ENTPD3: variants seen among roughly 807,000 people sequenced by gnomAD.
ENTPD3 encodes the protein CD39 antigen-like 3.
A neutral mutation model predicts 51.2 loss-of-function variants in ENTPD3; 60 were observed. The ratio of observed to expected loss-of-function variants is 1.17; its 90% CI spans 0.95 to 1.45. The LOEUF (loss-of-function observed/expected upper bound fraction) is 1.45, where lower values mean the gene tolerates loss of function less well. Among genes scored for constraint, ENTPD3 ranks in the 40% most tolerant of loss-of-function variants. ENTPD3 has a pLI of 0.00. For missense variants in ENTPD3, 593 were observed against 641.1 expected (o/e 0.93, Z 0.81); for synonymous variants, 221 against 238.4 (o/e 0.93, Z 0.67).
Position 40,411,963 on chromosome 3 carries a change from G to T in ENTPD3, c.437+1G>T. 6.2e-7 allele frequency: 1 copy of T among 1,608,922 alleles called. No homozygotes were observed. Among genetic ancestry groups the T allele is most frequent in the Non-Finnish European group, 8.5e-7 (1 of 1,177,920 alleles). ...CCACGGCTGGGATGCGCTTGCTGAG[G>T]TAAAGGCTAAGTGGCACAAAGGAGC... On this transcript the variant is annotated splice_donor_variant, in intron 5 of 10. Transcript: ENST00000301825. LOFTEE classifies it high-confidence loss of function.
intron 2 of ENTPD3, among the ~76,000 whole-genome samples, chr3:40,390,295 T>C (rs1225887565): frequency 6.6e-6 from 1 of 152,166 alleles, no homozygotes. Flanking sequence ...GCTCCTGGGA[T>C]CAAAGGATCC....
At position 40,416,218 on chromosome 3, in the gene ENTPD3, G is replaced by A. The variant is rs116561910; in HGVS notation, c.831+145G>A. The A allele has an allele frequency of 1.7e-3, 1,053 of 622,974 alleles. 11 individuals are homozygous for A. The African/African-American group carries it at 0.017, about 10-fold the overall frequency. 38.6% of individuals were successfully genotyped at this position (622,974 alleles called of 1,614,324 possible). ...CAGCATTTTCCAATTTACTCCTGGG[G>A]GTCCAAGTCCCTTTCCTCTCTGTCT... On this transcript the variant is annotated intron_variant, in intron 7 of 10. Coordinates refer to ENST00000301825, the MANE Select transcript of ENTPD3 (RefSeq NM_001248.4).
intron 3 of ENTPD3, among the ~76,000 whole-genome samples, chr3:40,399,869 T>A (rs1281146324): frequency 6.6e-6 from 1 of 152,196 alleles, no homozygotes; most frequent in Non-Finnish European, 1.5e-5. Context: ...TTTGTTGACA[T>A]ACACATTGCC....
chr3:40,418,736 T>C (rs932536016), intron 7 of ENTPD3, among the ~76,000 whole-genome samples: 14 of 152,186 alleles, frequency 9.2e-5, no homozygotes, highest in African/African-American at 3.1e-4. Flanking sequence ...TTCTTCCATT[T>C]TTTAAATGTA....
intron 4 of ENTPD3, among the ~76,000 whole-genome samples, chr3:40,408,172 G>GT (rs780727992): frequency 3.5e-4 from 54 of 152,162 alleles, no homozygotes; most frequent in Non-Finnish European, 3.7e-4. Flanking sequence ...CACATACAAG[G>GT]TATGGACTTT....
chr3:40,416,106 T>A (rs1482692710), intron 7 of ENTPD3, 33 bp downstream of exon 7: 4 of 1,542,990 alleles, frequency 2.6e-6, no homozygotes, highest in South Asian at 2.3e-5. Flanking sequence ...GTGGCAGGTG[T>A]TCTCTTGAGG....
rs531240793 is a variant in ENTPD3, at chr3:40,424,262, G to A, written c.1353+299G>A. On this transcript the variant is annotated intron_variant, in intron 10 of 10. Transcript: ENST00000301825. ...TTCCCAGCACTCTGCACAAGGAATA[G>A]AGCCTAGAAGGTACTTAGTAAATGT... is the stretch of plus-strand genomic sequence containing the variant. 6.4e-6 allele frequency: 4 copies of A among 620,456 alleles called. No individual in the cohort carries two copies. In the African/African-American group the frequency reaches 8.0e-5, roughly 12 times the overall value. 38.4% of individuals were successfully genotyped at this position (620,456 alleles called of 1,614,324 possible). A position where few individuals can be genotyped will look rare whatever the true frequency, so the allele number is the denominator to read the frequency against.
intron 4 of ENTPD3, 46 bp downstream of exon 4, chr3:40,401,057 G>A (rs1340723775): frequency 6.9e-7 from 1 of 1,448,880 alleles, no homozygotes; most frequent in East Asian, 2.3e-5. Context: ...CAGCAAGGTA[G>A]AGTTCTAAGT....
rs201369861 is a variant in ENTPD3, at chr3:40,392,161, A to G, written c.168+11A>G. The G allele has an allele frequency of 2.5e-6, 4 of 1,613,054 alleles. No individual in the cohort carries two copies. In the Admixed American group the frequency reaches 6.7e-5, roughly 27 times the overall value. Reference sequence around the variant, plus strand: ...CCTCCAGGACTGAAGGTAAGTGTGAAGGGACTGGCAACAAAGGGAAGAAAT... The same window carrying G: ...CCTCCAGGACTGAAGGTAAGTGTGAGGGGACTGGCAACAAAGGGAAGAAAT... On this transcript the variant is annotated intron_variant, in intron 3 of 10. Coordinates refer to ENST00000301825, the MANE Select transcript of ENTPD3 (RefSeq NM_001248.4).
intron 3 of ENTPD3, 139 bp downstream of exon 3, chr3:40,392,289 G>A (rs571943038): frequency 1.7e-4 from 165 of 991,838 alleles, no homozygotes; most frequent in Admixed American, 1.8e-4. Flanking sequence ...GTTAGTGTAA[G>A]ACGCAAGGGA....
intron 3 of ENTPD3, among the ~76,000 whole-genome samples, chr3:40,396,105 C>T (rs569910059): frequency 3.3e-5 from 5 of 152,286 alleles, no homozygotes; most frequent in African/African-American, 1.2e-4. Flanking sequence ...TGGTAACAGA[C>T]CCTAGCCACC....
rs1373117830 is a variant in ENTPD3 at position 40,414,678 on chromosome 3, C to A, written c.438-3C>A. On this transcript the variant is annotated splice_region_variant and splice_polypyrimidine_tract_variant and intron_variant, in intron 5 of 10. Coordinates refer to ENST00000301825, the MANE Select transcript of ENTPD3 (RefSeq NM_001248.4). The stretch of plus-strand genomic sequence containing the variant: ...AGACTTGTTTGTTCTGTGCCTTGTA[C>A]AGGTTGCAAAATGAAACAGCAGCTA... 6.2e-7 allele frequency: 1 copy of A among 1,613,916 alleles called. No homozygotes were observed. Among genetic ancestry groups the A allele is most frequent in the South Asian group, 1.1e-5 (1 of 91,066 alleles).
At chr3:40,412,652 T>C (rs1323383255) in intron 5 of ENTPD3, among the ~76,000 whole-genome samples, 1 of 152,200 alleles carries the variant, frequency 6.6e-6, no homozygotes, top group African/African-American at 2.4e-5. Flanking sequence ...TAAGGTTTTA[T>C]CACAAGAAAA....
chr3:40,417,360 A>T (rs1955769348), intron 7 of ENTPD3, among the ~76,000 whole-genome samples: 1 of 152,218 alleles, frequency 6.6e-6, no homozygotes, highest in Admixed American at 6.5e-5. Flanking sequence ...CAGGAAACTT[A>T]AAATCATAGT....
Position 40,402,782 on chromosome 3 carries a change from A to G in ENTPD3, c.286+1771A>G, listed in dbSNP as rs532306149. 2.0e-5 allele frequency among the ~76,000 whole-genome samples: 3 copies of G among 152,334 alleles called. No homozygotes were observed. In the South Asian group the frequency reaches 6.2e-4, roughly 32 times the overall value. On this transcript the variant is annotated intron_variant, in intron 4 of 10. Coordinates refer to ENST00000301825, the MANE Select transcript of ENTPD3 (RefSeq NM_001248.4). ...CTCTTTTGTATGTTTTATTTAAGAA[A>G]TCCTTTTCTATCTTGAGGTCATACA...
chr3:40,419,652 A>G (rs1418517142), intron 7 of ENTPD3, among the ~76,000 whole-genome samples: 2 of 152,180 alleles, frequency 1.3e-5, no homozygotes, highest in African/African-American at 4.8e-5. Context: ...ATGTATTTCC[A>G]TTTATTTAAT....
At chr3:40,407,859 TCAGACAGACA>T (rs1955540025) in intron 4 of ENTPD3, among the ~76,000 whole-genome samples, 1 of 152,030 alleles carries the variant, frequency 6.6e-6, no homozygotes, top group Non-Finnish European at 1.5e-5. Flanking sequence ...ATCTAAGAAG[TCAGACAGACA>T]TGATATGCCC....
At chr3:40,411,717 A>G (rs541546448) in intron 4 of ENTPD3, 95 bp from the exon 5 acceptor site, 8 of 1,385,332 alleles carry the variant, frequency 5.8e-6, no homozygotes, top group Middle Eastern at 1.9e-4. Flanking sequence ...CCAAACCCCA[A>G]TAATTTTCAA....
intron 4 of ENTPD3, among the ~76,000 whole-genome samples, chr3:40,408,662 TTGTG>T (rs1177434019): frequency 6.6e-6 from 1 of 152,240 alleles, no homozygotes; most frequent in African/African-American, 2.4e-5. Context: ...ACTGAGAGAA[TTGTG>T]TGTCTTTTTA....
Sources: allele counts gnomAD v4.1 joint callset (sites outside exome capture counted in the v4.1 genomes callset), GRCh38; gene constraint gnomAD v4.1.1; transcripts MANE v1.5; gene names NCBI Gene and HGNC (gene_info 2026-07-23, HGNC 2026-07-21).